CHSY3: variants seen among roughly 807,000 people sequenced by gnomAD.
CHSY3 encodes N-acetylgalactosaminyl-proteoglycan 3-beta-glucuronosyltransferase 3.
CHSY3 carries 35 observed loss-of-function variants against 67.2 expected under a neutral mutation model. The observed-to-expected ratio is 0.52, with a 90% CI of 0.40 to 0.69. The LOEUF is 0.69. CHSY3 is among the 30% of genes least tolerant of loss of function. CHSY3 has a pLI of 0.00. For synonymous variants in CHSY3, 474 were observed against 434.7 expected (o/e 1.09, Z -1.12); for missense variants, 1,069 against 1,138.5 (o/e 0.94, Z 0.88).
At chr5:129,955,352 C>T (rs1324551827) in intron 2 of CHSY3, among the ~76,000 whole-genome samples, 2 of 152,068 alleles carry the variant, frequency 1.3e-5, no homozygotes. Context: ...AGAACTCTCA[C>T]CAAGTGATCT....
chr5:129,950,971 A>G (rs1280014059), intron 2 of CHSY3, among the ~76,000 whole-genome samples: 1 of 152,204 alleles, frequency 6.6e-6, no homozygotes. Flanking sequence ...TGGTGGCACA[A>G]CATTTCCTGA....
intron 2 of CHSY3, among the ~76,000 whole-genome samples, chr5:129,987,654 A>T (rs535605522): frequency 2.0e-5 from 3 of 152,276 alleles, no homozygotes; most frequent in African/African-American, 7.2e-5. Flanking sequence ...TCCCTTCAAA[A>T]CAAGATCACA....
chr5:130,183,625 T>C (rs904578499), intron 2 of CHSY3, among the ~76,000 whole-genome samples: 1 of 152,148 alleles, frequency 6.6e-6, no homozygotes, highest in African/African-American at 2.4e-5. Flanking sequence ...TATGTATAGC[T>C]AGAGGTTCAT....
intron 2 of CHSY3, among the ~76,000 whole-genome samples, chr5:130,112,028 A>C (rs1767606191): frequency 6.6e-6 from 1 of 152,102 alleles, no homozygotes; most frequent in Non-Finnish European, 1.5e-5. Flanking sequence ...TACAGTTGAT[A>C]AGGGGCTGAG....
chr5:130,113,920 C>T (rs1286182066), intron 2 of CHSY3, among the ~76,000 whole-genome samples: 1 of 152,112 alleles, frequency 6.6e-6, no homozygotes, highest in Non-Finnish European at 1.5e-5. Flanking sequence ...TTATACTCCC[C>T]TTTTGTCATT....
At chr5:129,966,871 A>G (rs1478359956) in intron 2 of CHSY3, among the ~76,000 whole-genome samples, 1 of 151,862 alleles carries the variant, frequency 6.6e-6, no homozygotes, top group Non-Finnish European at 1.5e-5. Flanking sequence ...TTCTTTCTTG[A>G]TGATCAAGTT....
intron 2 of CHSY3, among the ~76,000 whole-genome samples, chr5:130,023,392 C>A (rs1055433707): frequency 6.6e-6 from 1 of 151,990 alleles, no homozygotes; most frequent in African/African-American, 2.4e-5. Context: ...TCATGCTATA[C>A]TTTTACTTTT....
rs184545694 is a variant in CHSY3, at chr5:130,013,378, C to T, written c.1086+105018C>T. 4.0e-3 allele frequency among the ~76,000 whole-genome samples: 613 copies of T among 152,308 alleles called. 2 individuals carry two copies. Among genetic ancestry groups the T allele is most frequent in the African/African-American group, 0.014 (569 of 41,560 alleles). ...AGACTCTGTCTGGGGGCTCCAACCC[C>T]ACATTTCCCTTCTACACTTGCCCCA... On this transcript the variant is annotated intron_variant, in intron 2 of 2. Transcript: ENST00000305031.
intron 2 of CHSY3, among the ~76,000 whole-genome samples, chr5:130,032,618 T>G (rs1764734244): frequency 6.6e-6 from 1 of 152,054 alleles, no homozygotes; most frequent in Non-Finnish European, 1.5e-5. Context: ...TCTACCCGCC[T>G]CACTTCAGGT....
intron 2 of CHSY3, among the ~76,000 whole-genome samples, chr5:130,112,685 T>A (rs1442526830): frequency 6.6e-6 from 1 of 152,120 alleles, no homozygotes; most frequent in Non-Finnish European, 1.5e-5. Context: ...TTTGGAGAGA[T>A]ATAGACTGGA....
chr5:129,919,648 C>T (rs914729790), intron 2 of CHSY3, among the ~76,000 whole-genome samples: 6 of 152,248 alleles, frequency 3.9e-5, no homozygotes, highest in East Asian at 3.9e-4. Context: ...ATGAGGGAAA[C>T]GGCCCCATGA....
chr5:129,924,714 A>G (rs906092589), intron 2 of CHSY3, among the ~76,000 whole-genome samples: 1 of 151,134 alleles, frequency 6.6e-6, no homozygotes, highest in African/African-American at 2.4e-5. Flanking sequence ...TATCATCTTT[A>G]TTCTTTTTTT....
intron 2 of CHSY3, among the ~76,000 whole-genome samples, chr5:130,148,628 G>A (rs1047618529): frequency 6.6e-6 from 1 of 152,096 alleles, no homozygotes; most frequent in Non-Finnish European, 1.5e-5. Flanking sequence ...GTTTTGATTT[G>A]CATTTCTCTA....
At chr5:130,171,998 G>C (rs752914805) in intron 2 of CHSY3, among the ~76,000 whole-genome samples, 2 of 152,138 alleles carry the variant, frequency 1.3e-5, no homozygotes, top group Non-Finnish European at 2.9e-5. Flanking sequence ...GCTCAGTGCT[G>C]TGTTCAGTGC....
At position 130,063,642 on chromosome 5, in the gene CHSY3, C is replaced by T. The variant is rs144507159; in HGVS notation, c.1087-120587C>T. On this transcript the variant is annotated intron_variant, in intron 2 of 2. Transcript: ENST00000305031. ...CTTAGTGCATTTGTGCTACCACAACCGAATACCACAGACTGGATAATTTAT... is the reference window on the plus strand; with the variant it reads ...CTTAGTGCATTTGTGCTACCACAACTGAATACCACAGACTGGATAATTTAT... Among the ~76,000 whole-genome samples, 138 of 152,210 alleles carry T rather than the reference C, an allele frequency of 9.1e-4. 1 individual carries two copies. In the East Asian group the frequency reaches 0.019, roughly 20 times the overall value.
chr5:129,956,065 G>T (rs1235030698), intron 2 of CHSY3, among the ~76,000 whole-genome samples: 1 of 152,122 alleles, frequency 6.6e-6, no homozygotes, highest in Admixed American at 6.6e-5. Flanking sequence ...GGGATTGCTG[G>T]GTTGAAGGTT....
At chr5:130,001,038 G>A (rs1013208767) in intron 2 of CHSY3, among the ~76,000 whole-genome samples, 7 of 151,418 alleles carry the variant, frequency 4.6e-5, no homozygotes, top group African/African-American at 1.5e-4. Flanking sequence ...GGTGGCACAC[G>A]CCTGGTTAAC....
chr5:130,186,386 T>G lies in CHSY3; in HGVS notation c.*595T>G, dbSNP rs1250532388. 1 of 150,722 alleles carries G rather than the reference T, an allele frequency of 6.6e-6. No individual in the cohort carries two copies. Among genetic ancestry groups the G allele is most frequent in the Non-Finnish European group, 1.5e-5 (1 of 68,036 alleles). 9.3% of individuals were successfully genotyped at this position (150,722 alleles called of 1,614,324 possible). ...AAAAGTTTTAAAAATTGAGGAGTTT[T>G]GTTCCACAAGCAACCGGTACTGGCT... On this transcript the variant is annotated 3_prime_UTR_variant, in exon 3 of 3. Coordinates refer to ENST00000305031, the MANE Select transcript of CHSY3 (RefSeq NM_175856.5).
chr5:129,983,563 A>G (rs4587108), intron 2 of CHSY3, among the ~76,000 whole-genome samples: 77,844 of 151,756 alleles, frequency 0.51, 20,646 homozygotes, highest in Non-Finnish European at 0.59. Context: ...CTTCCTTTTC[A>G]TTCTTCTCTG....
Sources: gnomAD v4.1 joint callset for allele counts (sites outside exome capture counted in the v4.1 genomes callset) on GRCh38, gnomAD v4.1.1 for gene constraint, MANE v1.5 for transcripts, NCBI Gene and HGNC (gene_info 2026-07-23, HGNC 2026-07-21) for gene names.